The following CLYBL variants were observed in gnomAD, a reference collection of about 807,000 sequenced individuals.
CLYBL encodes citramalyl-CoA lyase, mitochondrial.
In CLYBL, 31 loss-of-function variants were observed where a neutral mutation model predicts 38.9. The ratio of observed to expected loss-of-function variants is 0.80; its 90% CI spans 0.60 to 1.08. The LOEUF (loss-of-function observed/expected upper bound fraction) is 1.08. Among genes scored for constraint, CLYBL ranks in the 50% least tolerant of loss-of-function variants. The probability of loss-of-function intolerance (pLI) is 0.00; values close to 1 mark genes in which losing one functional copy is unlikely to be tolerated. For missense variants in CLYBL, 434 were observed against 411.6 expected (o/e 1.05, Z -0.47); for synonymous variants, 171 against 158.6 (o/e 1.08, Z -0.59).
intron 7 of CLYBL, among the ~76,000 whole-genome samples, chr13:99,890,214 C>T (rs778963642): frequency 2.0e-5 from 3 of 152,114 alleles, no homozygotes; most frequent in Non-Finnish European, 4.4e-5. Flanking sequence ...AAGCATCAGC[C>T]CCAGCTCTGG....
chr13:99,710,078 C>T (rs188297059), intron 1 of CLYBL, among the ~76,000 whole-genome samples: 5,670 of 152,108 alleles, frequency 0.037, 147 homozygotes, highest in Non-Finnish European at 0.057. Context: ...GCGCCCGCCA[C>T]CAAGCCCGGC....
intron 1 of CLYBL, among the ~76,000 whole-genome samples, chr13:99,658,414 C>A (rs1225008465): frequency 6.6e-6 from 1 of 152,214 alleles, no homozygotes; most frequent in Non-Finnish European, 1.5e-5. Context: ...AGCGCAGGGT[C>A]CGCCTCCCAC....
intron 7 of CLYBL, among the ~76,000 whole-genome samples, chr13:99,877,851 C>T (rs900612255): frequency 6.6e-6 from 1 of 152,036 alleles, no homozygotes; most frequent in Non-Finnish European, 1.5e-5. Flanking sequence ...GGATTACAGG[C>T]GTAAGCCACC....
chr13:99,609,651 C>T (rs550272762), intron 1 of CLYBL, among the ~76,000 whole-genome samples: 101 of 152,264 alleles, frequency 6.6e-4, no homozygotes, highest in African/African-American at 2.2e-3. Context: ...GTCCTCCCAC[C>T]TCAGCCTCCC....
intron 2 of CLYBL, among the ~76,000 whole-genome samples, chr13:99,842,701 A>G (rs1218925164): frequency 8.8e-6 from 1 of 113,152 alleles, no homozygotes; most frequent in Admixed American, 1.0e-4. Flanking sequence ...AAATCTGTAC[A>G]GCCCTTTTTT....
chr13:99,689,197 C>T (rs1234698184), intron 1 of CLYBL, among the ~76,000 whole-genome samples: 1 of 152,208 alleles, frequency 6.6e-6, no homozygotes, highest in Non-Finnish European at 1.5e-5. Flanking sequence ...TTTTAAGCTT[C>T]ATTACTGCAA....
intron 1 of CLYBL, among the ~76,000 whole-genome samples, chr13:99,766,072 C>T (rs1044732749): frequency 2.0e-5 from 3 of 151,698 alleles, no homozygotes; most frequent in African/African-American, 4.9e-5. Context: ...AGGCTAGTCT[C>T]GAACTCCTGC....
chr13:99,844,504 T>G (rs1034347344), intron 2 of CLYBL, among the ~76,000 whole-genome samples: 9 of 152,178 alleles, frequency 5.9e-5, no homozygotes, highest in Non-Finnish European at 1.5e-5. Flanking sequence ...ACACCATTGG[T>G]CCTCTCTGTT....
rs565986774 is a variant in CLYBL at position 99,865,268 on chromosome 13, A to G, written c.634+357A>G. On this transcript the variant is annotated intron_variant, in intron 5 of 8. Transcript: ENST00000339105. This position sits in a 1 kb window ranked among gnomAD's most constrained non-coding sequence, Gnocchi z 4.7. ...TGCTTCAGTATTTTGTTTTCATATC[A>G]GTCTGTGGGCTGTCTAGATTTCTAA... is the stretch of plus-strand genomic sequence containing the variant. The G allele has an allele frequency of 6.9e-5, 23 of 332,944 alleles. No individual in the cohort carries two copies. The highest frequency in any genetic ancestry group is 3.6e-4 in the African/African-American group (17 of 46,752). 20.6% of individuals were successfully genotyped at this position (332,944 alleles called of 1,614,324 possible).
intron 2 of CLYBL, among the ~76,000 whole-genome samples, chr13:99,808,918 G>T (rs2050285034): frequency 6.6e-6 from 1 of 152,040 alleles, no homozygotes; most frequent in Non-Finnish European, 1.5e-5. Context: ...TTATTTGTGG[G>T]TTTCTCCCAT....
chr13:99,883,792 C>G (rs1236119980), intron 7 of CLYBL, among the ~76,000 whole-genome samples: 1 of 152,142 alleles, frequency 6.6e-6, no homozygotes, highest in African/African-American at 2.4e-5. Context: ...AGTCCCCACG[C>G]CCCTCTCCTG....
chr13:99,624,982 C>T (rs1167777039), intron 1 of CLYBL, among the ~76,000 whole-genome samples: 2 of 152,218 alleles, frequency 1.3e-5, no homozygotes, highest in Non-Finnish European at 2.9e-5. Context: ...CTCAGACACT[C>T]CAGGTTATTA....
chr13:99,834,447 A>C (rs1265511967), intron 2 of CLYBL, among the ~76,000 whole-genome samples: 1 of 152,190 alleles, frequency 6.6e-6, no homozygotes, highest in Non-Finnish European at 1.5e-5. Flanking sequence ...GGAGCCTCAA[A>C]GTCAGCATTG....
At chr13:99,665,446 A>G (rs527543140) in intron 1 of CLYBL, among the ~76,000 whole-genome samples, 1 of 152,228 alleles carries the variant, frequency 6.6e-6, no homozygotes, top group South Asian at 2.1e-4. Context: ...GCAGCAGCAG[A>G]GGAGGAAGAA....
chr13:99,618,676 T>C (rs1026119294), intron 1 of CLYBL, among the ~76,000 whole-genome samples: 1 of 152,202 alleles, frequency 6.6e-6, no homozygotes, highest in Non-Finnish European at 1.5e-5. Context: ...CTTCCCACAC[T>C]GAAACCCTGT....
At chr13:99,684,294 C>T (rs2047786266) in intron 1 of CLYBL, among the ~76,000 whole-genome samples, 1 of 149,972 alleles carries the variant, frequency 6.7e-6, no homozygotes, top group South Asian at 2.1e-4. Flanking sequence ...ATTCTCGTGC[C>T]TCAGCCTCCC....
At chr13:99,683,013 C>T (rs1404257419) in intron 1 of CLYBL, among the ~76,000 whole-genome samples, 2 of 151,656 alleles carry the variant, frequency 1.3e-5, no homozygotes, top group African/African-American at 4.9e-5. Context: ...GCTGGGATTA[C>T]AGGTGTGAGT....
chr13:99,858,528 C>T (rs1002935541), intron 2 of CLYBL, among the ~76,000 whole-genome samples: 1 of 152,202 alleles, frequency 6.6e-6, no homozygotes, highest in Non-Finnish European at 1.5e-5. Flanking sequence ...ACTTAATGCT[C>T]AATCAGTGAA....
In CLYBL at chr13:99,865,758, T is replaced by C. The variant is rs1047976489; in HGVS notation, c.635-482T>C. ...CCCTCCCGTCTCCCCAAGTTCTCCA[T>C]CCAGACAGACCCTGAAGCTGAAGCA... On this transcript the variant is annotated intron_variant, in intron 5 of 8. Transcript: ENST00000339105. The surrounding 1 kb of genome is among the most constrained non-coding windows in gnomAD (Gnocchi z 4.7). 6.6e-6 allele frequency among the ~76,000 whole-genome samples: 1 copy of C among 152,204 alleles called. No individual in the cohort carries two copies. Among genetic ancestry groups the C allele is most frequent in the African/African-American group, 2.4e-5 (1 of 41,454 alleles).
Sources: allele counts gnomAD v4.1 joint callset (sites outside exome capture counted in the v4.1 genomes callset), GRCh38; gene constraint gnomAD v4.1.1; non-coding constraint Gnocchi (gnomAD v3.1); transcripts MANE v1.5; gene names NCBI Gene and HGNC (gene_info 2026-07-23, HGNC 2026-07-21).